The following HSDL2 variants were observed in gnomAD, a reference collection of about 807,000 sequenced individuals.
The protein encoded by HSDL2 is hydroxysteroid dehydrogenase-like protein 2.
Under a neutral mutation model 46.3 loss-of-function variants are expected in HSDL2, and 27 were observed. The ratio of observed to expected loss-of-function variants is 0.58; its 90% confidence interval spans 0.43 to 0.80. The LOEUF is 0.80. Ranked by LOEUF, HSDL2 falls within the 30% of genes least tolerant of loss-of-function variation. The pLI is 0.00. For missense variants in HSDL2, 451 were observed against 502.7 expected (o/e 0.90, Z 0.98); for synonymous variants, 153 against 163.6 (o/e 0.94, Z 0.50).
chr9:112,454,416 C>A (rs1490217032), intron 9 of HSDL2, among the ~76,000 whole-genome samples: 3 of 152,156 alleles, frequency 2.0e-5, no homozygotes, highest in Non-Finnish European at 4.4e-5. Flanking sequence ...CGGCCTTGAC[C>A]TCCTGGACTC....
chr9:112,447,153 G>C (rs1832774910), intron 8 of HSDL2, among the ~76,000 whole-genome samples: 2 of 152,122 alleles, frequency 1.3e-5, no homozygotes, highest in Admixed American at 1.3e-4. Flanking sequence ...TGTGAAGTTA[G>C]GAGAGCCTGT....
Position 112,471,924 on chromosome 9 carries a change from G to A in HSDL2, c.*1380G>A, listed in dbSNP as rs1450651021. 6.6e-6 allele frequency: 1 copy of A among 152,158 alleles called. No homozygotes were observed. Among genetic ancestry groups the A allele is most frequent in the African/African-American group, 2.4e-5 (1 of 41,426 alleles). 9.4% of individuals were successfully genotyped at this position (152,158 alleles called of 1,614,324 possible). ...ATTTCTTAGATTCATAATGTTAGGA[G>A]CATTTAATCTGTATTTTACAAGTTA... is the stretch of plus-strand genomic sequence containing the variant. On this transcript the variant is annotated 3_prime_UTR_variant, in exon 11 of 11. Transcript: ENST00000398805.
intron 1 of HSDL2, 148 bp from the exon 2 acceptor site, chr9:112,403,844 AGTT>A (rs1831662194): frequency 1.5e-6 from 1 of 669,998 alleles, no homozygotes; most frequent in African/African-American, 1.8e-5. Context: ...AGTATAGTGG[AGTT>A]ATCTGCCATC....
intron 10 of HSDL2, among the ~76,000 whole-genome samples, chr9:112,461,369 G>A (rs527937617): frequency 2.6e-5 from 4 of 152,210 alleles, no homozygotes; most frequent in East Asian, 1.9e-4. Context: ...GTGAGCCACC[G>A]CGCCCGGCCC....
Position 112,454,209 on chromosome 9 carries a change from G to C in HSDL2, c.1015+47G>C, listed in dbSNP as rs751520551. ...CTGAAGTTTTTATGAAACAAAATGGGGTGTTTCCTTTGGAAGAAAATCAGC... is the reference window on the plus strand; with the variant it reads ...CTGAAGTTTTTATGAAACAAAATGGCGTGTTTCCTTTGGAAGAAAATCAGC... On this transcript the variant is annotated intron_variant, in intron 9 of 10. Coordinates refer to ENST00000398805, the MANE Select transcript of HSDL2 (RefSeq NM_032303.5). The C allele has an allele frequency of 5.9e-6, 9 of 1,521,128 alleles. No individual in the cohort carries two copies. In the South Asian group the frequency reaches 9.5e-5, roughly 16 times the overall value. 94.2% of individuals were successfully genotyped at this position (1,521,128 alleles called of 1,614,324 possible).
intron 10 of HSDL2, among the ~76,000 whole-genome samples, chr9:112,466,109 G>C (rs1650861244): frequency 6.6e-6 from 1 of 152,086 alleles, no homozygotes; most frequent in African/African-American, 2.4e-5. Context: ...ATGTGAAATG[G>C]CATCTTATTG....
At chr9:112,442,040 T>A (rs1340613213) in intron 8 of HSDL2, among the ~76,000 whole-genome samples, 12 of 151,584 alleles carry the variant, frequency 7.9e-5, no homozygotes, top group Admixed American at 7.9e-4. Flanking sequence ...GGCGAATGGA[T>A]CACTTGAGTC....
At chr9:112,469,612 A>G (rs1833504877) in intron 10 of HSDL2, 1 of 143,330 alleles carries the variant, frequency 7.0e-6, no homozygotes, top group Admixed American at 7.4e-5. Flanking sequence ...GCAGTAAGCC[A>G]TGTACTCCAC....
In HSDL2 at chr9:112,412,580, T is replaced by TA. The variant is rs775349624; in HGVS notation, c.395+3560dup. ...TCAATACAAGTAAAGCATTGAATTTTATGTAGATTTGTCAAAATTAGTAAT... is the reference window on the plus strand; with the variant it reads ...TCAATACAAGTAAAGCATTGAATTTTAATGTAGATTTGTCAAAATTAGTAAT... On this transcript the variant is annotated intron_variant, in intron 4 of 10. Coordinates refer to ENST00000398805, the MANE Select transcript of HSDL2 (RefSeq NM_032303.5). Among the ~76,000 whole-genome samples, 167 of 152,366 alleles carry TA rather than the reference T, an allele frequency of 1.1e-3. 1 individual carries two copies. The highest frequency in any genetic ancestry group is 2.0e-3 in the Non-Finnish European group (133 of 68,034).
chr9:112,383,039 C>G (rs1831133528), intron 1 of HSDL2, among the ~76,000 whole-genome samples: 1 of 149,344 alleles, frequency 6.7e-6, no homozygotes, highest in African/African-American at 2.5e-5. Flanking sequence ...TGGAATCTTG[C>G]TCTGTATGCC....
chr9:112,415,873 C>CATTTAAAATGTATCTT (rs1554710894), intron 4 of HSDL2, among the ~76,000 whole-genome samples: 5 of 152,058 alleles, frequency 3.3e-5, no homozygotes, highest in Non-Finnish European at 7.4e-5. Context: ...TGTATCTTGG[C>CATTTAAAATGTATCTT]GGAGCGTGGG....
At chr9:112,453,759 T>C (rs1832946377) in intron 8 of HSDL2, among the ~76,000 whole-genome samples, 1 of 152,206 alleles carries the variant, frequency 6.6e-6, no homozygotes, top group Non-Finnish European at 1.5e-5. Flanking sequence ...TTTAGTAGTA[T>C]TTTTTAACCT....
At chr9:112,457,115 TC>T (rs1833055586) in intron 9 of HSDL2, among the ~76,000 whole-genome samples, 1 of 151,680 alleles carries the variant, frequency 6.6e-6, no homozygotes, top group African/African-American at 2.4e-5. Context: ...ATCACTGCAC[TC>T]CAGCTTGGGC....
rs1831710407 is a variant in HSDL2 at position 112,405,711 on chromosome 9, A to G, written c.269A>G (p.Lys90Arg). Residue 90 changes from lysine (K) to arginine (R), a missense_variant, in exon 3 of 11, where the codon AAG (lysine) becomes AGG (arginine). By Grantham distance (26) the Lys-to-Arg change is conservative. Transcript: ENST00000398805. ...QISAAVEKAI[K>R]KFGGIDILVN... The stretch of plus-strand genomic sequence containing the variant: ...AGTGCTGCAGTGGAGAAAGCCATCA[A>G]GAAATTTGGAGGTAATACCTTCATT... 2.5e-6 allele frequency: 4 copies of G among 1,602,820 alleles called. No individual in the cohort carries two copies. Among genetic ancestry groups the G allele is most frequent in the Non-Finnish European group, 3.4e-6 (4 of 1,171,338 alleles).
intron 1 of HSDL2, among the ~76,000 whole-genome samples, chr9:112,390,655 G>A (rs913777614): frequency 1.3e-5 from 2 of 151,908 alleles, no homozygotes; most frequent in Non-Finnish European, 2.9e-5. Flanking sequence ...GTCTCACTAT[G>A]TTGCCCAGGC....
At chr9:112,401,033 G>T (rs1831579276) in intron 1 of HSDL2, among the ~76,000 whole-genome samples, 1 of 152,174 alleles carries the variant, frequency 6.6e-6, no homozygotes, top group Admixed American at 6.5e-5. Context: ...ATAACAGGGA[G>T]ATAAGGCCGG....
At chr9:112,450,157 T>C (rs1371302031) in intron 8 of HSDL2, among the ~76,000 whole-genome samples, 1 of 151,854 alleles carries the variant, frequency 6.6e-6, no homozygotes, top group Non-Finnish European at 1.5e-5. Context: ...GGGCAGGGTA[T>C]AGGGGCTCAC....
chr9:112,449,048 A>T (rs1234628916), intron 8 of HSDL2, among the ~76,000 whole-genome samples: 1 of 149,902 alleles, frequency 6.7e-6, no homozygotes, highest in Non-Finnish European at 1.5e-5. Context: ...ACAATTTTTT[A>T]AAGTTTTCAA....
At chr9:112,424,624 T>C (rs895441605) in intron 6 of HSDL2, among the ~76,000 whole-genome samples, 1 of 152,070 alleles carries the variant, frequency 6.6e-6, no homozygotes. Flanking sequence ...TGTTTATTGC[T>C]TATTTATAGT....
Sources: gnomAD v4.1 joint callset for allele counts (sites outside exome capture counted in the v4.1 genomes callset) on GRCh38, gnomAD v4.1.1 for gene constraint, MANE v1.5 for transcripts, NCBI Gene and HGNC (gene_info 2026-07-23, HGNC 2026-07-21) for gene names.